The following ZMYND11 variants were observed in gnomAD, a reference collection of about 807,000 sequenced individuals.
The protein encoded by ZMYND11 is zinc finger MYND domain-containing protein 11.
ZMYND11 carries 9 observed loss-of-function variants against 84.9 expected under a neutral mutation model. The ratio of observed to expected loss-of-function variants is 0.11; its 90% CI spans 0.06 to 0.18. The LOEUF (loss-of-function observed/expected upper bound fraction) is 0.18, where lower values mean the gene tolerates loss of function less well. Among genes scored for constraint, ZMYND11 ranks in the 10% least tolerant of loss-of-function variants. The pLI is 1.00. For missense variants in ZMYND11, 409 were observed against 761.0 expected, an observed-to-expected ratio of 0.54 and a Z score of 5.44; for synonymous variants, 250 against 244.1, an observed-to-expected ratio of 1.02 and a Z score of -0.23.
rs142774651 is a variant in ZMYND11, at chr10:166,658, G to A, written c.-19-13336G>A. Among the ~76,000 whole-genome samples the A allele has an allele frequency of 5.4e-3, 817 of 152,162 alleles. 4 individuals are homozygous for A. Among genetic ancestry groups the A allele is most frequent in the Non-Finnish European group, 9.3e-3 (634 of 67,978 alleles). ...ATTGCTGTTGGGATTGTAAAATGGTGCAGCTGCTTATGAAAAAGAGTTTAC... is the reference window on the plus strand; with the variant it reads ...ATTGCTGTTGGGATTGTAAAATGGTACAGCTGCTTATGAAAAAGAGTTTAC... On this transcript the variant is annotated intron_variant, in intron 1 of 14. Coordinates refer to ENST00000381604, the MANE Select transcript of ZMYND11 (RefSeq NM_001370100.5).
upstream of ZMYND11, among the ~76,000 whole-genome samples, chr10:133,916 A>G (rs1208234834): frequency 6.6e-6 from 1 of 152,232 alleles, no homozygotes; most frequent in Non-Finnish European, 1.5e-5. Context: ...TGACTAGTGT[A>G]TATCACAGAC....
At chr10:155,192 T>A (rs1263314299) in intron 1 of ZMYND11, among the ~76,000 whole-genome samples, 1 of 152,182 alleles carries the variant, frequency 6.6e-6, no homozygotes, top group Non-Finnish European at 1.5e-5. Context: ...AGCTTTAAAA[T>A]TTTAGGTTGA....
upstream of ZMYND11, among the ~76,000 whole-genome samples, chr10:131,106 C>T (rs987192354): frequency 6.6e-6 from 1 of 151,798 alleles, no homozygotes; most frequent in African/African-American, 2.4e-5. Flanking sequence ...ACAGAGTGAG[C>T]CCTATCTCAA....
rs534128221 is a variant in ZMYND11, at chr10:252,521, G to A, written c.*51G>A. 23 of 1,536,232 alleles carry A rather than the reference G, an allele frequency of 1.5e-5. No individual in the cohort carries two copies. The highest frequency in any genetic ancestry group is 9.4e-5 in the East Asian group (4 of 42,360). ...GATGATTACTCTTTTCAGACACAGC[G>A]GTTTTTGTTTCCAAGAAGCCAAAAT... On this transcript the variant is annotated 3_prime_UTR_variant, in exon 15 of 15. Transcript: ENST00000381604. The surrounding 1 kb of genome is among the most constrained non-coding windows in gnomAD (Gnocchi z 4.6).
intron 2 of ZMYND11, among the ~76,000 whole-genome samples, chr10:185,675 C>T (rs1482236996): frequency 1.3e-5 from 2 of 151,352 alleles, no homozygotes; most frequent in African/African-American, 2.4e-5. Context: ...ATTAGCTGGG[C>T]TTGGTGGCAG....
chr10:204,370 T>C (rs1423968242), intron 2 of ZMYND11, among the ~76,000 whole-genome samples: 1 of 152,220 alleles, frequency 6.6e-6, no homozygotes, highest in Non-Finnish European at 1.5e-5. Context: ...AAATTTTATT[T>C]TTCTTACTGT....
chr10:228,707 C>T (rs965779986), intron 4 of ZMYND11, among the ~76,000 whole-genome samples: 3 of 152,270 alleles, frequency 2.0e-5, no homozygotes, highest in Non-Finnish European at 2.9e-5. Context: ...CTGCCTCTGC[C>T]GTTCAGTCTT....
At chr10:148,005 T>G (rs1403434772) in intron 1 of ZMYND11, 6 of 152,226 alleles carry the variant, frequency 3.9e-5, no homozygotes, top group Admixed American at 3.3e-4. Flanking sequence ...CGTCCTGGGG[T>G]TATGTCTTCA....
intron 4 of ZMYND11, 76 bp downstream of exon 4, chr10:221,432 G>A (rs1947112055): frequency 2.0e-6 from 3 of 1,492,984 alleles, no homozygotes; most frequent in Non-Finnish European, 2.7e-6. Context: ...AGATATCCCA[G>A]GTGGTCTTGC....
chr10:234,885 G>A lies in ZMYND11; in HGVS notation c.439-1953G>A, dbSNP rs570401847. Among the ~76,000 whole-genome samples, 26 of 152,224 alleles carry A rather than the reference G, an allele frequency of 1.7e-4. No homozygotes were observed. The South Asian group carries it at 4.8e-3, about 28-fold the overall frequency. The stretch of plus-strand genomic sequence containing the variant: ...ATTGTGCTTCAGATCCAGGGAGAGC[G>A]CCTTCTGCAGTCCTGTGAGACATGC... On this transcript the variant is annotated intron_variant, in intron 4 of 14. Transcript: ENST00000381604.
chr10:132,302 T>C (rs1835330367), upstream of ZMYND11, among the ~76,000 whole-genome samples: 5 of 148,844 alleles, frequency 3.4e-5, no homozygotes, highest in Admixed American at 3.4e-4. Context: ...ATATATTTTA[T>C]ATATATATAT....
At chr10:226,208 T>C (rs192184603) in intron 4 of ZMYND11, among the ~76,000 whole-genome samples, 7 of 152,286 alleles carry the variant, frequency 4.6e-5, no homozygotes, top group Non-Finnish European at 7.4e-5. Context: ...ATATAACTAC[T>C]TGACTCCCCA....
intron 3 of ZMYND11, 34 bp from the exon 4 acceptor site, chr10:221,161 A>G: frequency 1.2e-6 from 2 of 1,601,998 alleles, no homozygotes; most frequent in Non-Finnish European, 8.5e-7. Flanking sequence ...TATTGACAAA[A>G]TGTCATACAA....
At chr10:221,522 A>C (rs952867163) in intron 4 of ZMYND11, among the ~76,000 whole-genome samples, 166 bp downstream of exon 4, 2 of 152,232 alleles carry the variant, frequency 1.3e-5, no homozygotes, top group Non-Finnish European at 2.9e-5. Flanking sequence ...CACAGAACAC[A>C]TACACCGTAT....
intron 1 of ZMYND11, among the ~76,000 whole-genome samples, chr10:173,819 A>G (rs914206229): frequency 1.1e-4 from 16 of 152,212 alleles, no homozygotes; most frequent in African/African-American, 3.9e-4. Flanking sequence ...AATATCATAT[A>G]TCATTAGGGA....
chr10:168,755 A>G (rs1844597069), intron 1 of ZMYND11, among the ~76,000 whole-genome samples: 1 of 152,150 alleles, frequency 6.6e-6, no homozygotes, highest in Non-Finnish European at 1.5e-5. Flanking sequence ...AAAATTGGAG[A>G]GACAGATAGG....
intron 9 of ZMYND11, 46 bp downstream of exon 9, chr10:241,016 A>C (rs1453288849): frequency 1.4e-6 from 2 of 1,439,032 alleles, no homozygotes; most frequent in East Asian, 4.6e-5. Context: ...AGCTCTAAGG[A>C]AGTTTATTTC....
At chr10:236,810 CCTTT>C (rs765854508) in intron 4 of ZMYND11, 24 bp from the exon 5 acceptor site, 10 of 1,579,446 alleles carry the variant, frequency 6.3e-6, no homozygotes, top group Admixed American at 5.1e-5. Context: ...AGATTTTGTA[CCTTT>C]TTTTATTCTT....
chr10:217,709 G>C (rs988708045), intron 3 of ZMYND11, among the ~76,000 whole-genome samples: 1 of 152,064 alleles, frequency 6.6e-6, no homozygotes, highest in African/African-American at 2.4e-5. Context: ...AGGCACTCCC[G>C]TAAGGACTGT....
Sources: allele counts gnomAD v4.1 joint callset (sites outside exome capture counted in the v4.1 genomes callset), GRCh38; gene constraint gnomAD v4.1.1; non-coding constraint Gnocchi (gnomAD v3.1); transcripts MANE v1.5; gene names NCBI Gene and HGNC (gene_info 2026-07-23, HGNC 2026-07-21).